Variants in NLGN1 observed in about 807,000 individuals in gnomAD.
NLGN1 encodes neuroligin-1.
A neutral mutation model predicts 65.5 loss-of-function variants in NLGN1; 12 were observed. The ratio of observed to expected loss-of-function variants is 0.18; its 90% CI spans 0.12 to 0.30. NLGN1 has a LOEUF of 0.30. Among genes scored for constraint, NLGN1 ranks in the 10% least tolerant of loss-of-function variants. NLGN1 has a pLI of 1.00. For missense variants in NLGN1, 750 were observed against 1,007.1 expected (o/e 0.74, Z 3.46); for synonymous variants, 350 against 359.5 (o/e 0.97, Z 0.30).
intron 3 of NLGN1, among the ~76,000 whole-genome samples, chr3:173,722,241 C>CT (rs58327862): frequency 0.27 from 26,995 of 99,888 alleles, 3,482 homozygotes; most frequent in African/African-American, 0.3. Flanking sequence ...TCTTCTTCTT[C>CT]TTTTTTTTTT....
intron 4 of NLGN1, among the ~76,000 whole-genome samples, chr3:173,863,997 A>AG (rs1236794304): frequency 2.0e-4 from 30 of 152,204 alleles, no homozygotes; most frequent in African/African-American, 7.2e-4. Flanking sequence ...GATGGTGATG[A>AG]GAGGAAAATT....
At chr3:174,201,163 A>T (rs1734379098) in intron 4 of NLGN1, among the ~76,000 whole-genome samples, 2 of 151,928 alleles carry the variant, frequency 1.3e-5, no homozygotes, top group Non-Finnish European at 2.9e-5. Context: ...GCATGAACCC[A>T]GGAGGGGAGG....
chr3:173,582,763 T>C (rs996287600), intron 2 of NLGN1, among the ~76,000 whole-genome samples: 4 of 152,166 alleles, frequency 2.6e-5, no homozygotes, highest in Non-Finnish European at 5.9e-5. Flanking sequence ...TTTATTTTAA[T>C]ATATCAAATT....
At chr3:173,853,743 G>A (rs1313356796) in intron 4 of NLGN1, among the ~76,000 whole-genome samples, 1 of 151,902 alleles carries the variant, frequency 6.6e-6, no homozygotes, top group Non-Finnish European at 1.5e-5. Context: ...CTATGTATAA[G>A]CTTCACATTT....
chr3:173,767,034 T>G (rs934077342), intron 3 of NLGN1, among the ~76,000 whole-genome samples: 1 of 152,184 alleles, frequency 6.6e-6, no homozygotes, highest in African/African-American at 2.4e-5. Flanking sequence ...ACATAAATAG[T>G]AATTACAATG....
chr3:173,529,808 A>C (rs1218710414), intron 2 of NLGN1, among the ~76,000 whole-genome samples: 1 of 152,086 alleles, frequency 6.6e-6, no homozygotes, highest in East Asian at 1.9e-4. Context: ...GATACCTTTC[A>C]GGATGTGCGT....
intron 4 of NLGN1, among the ~76,000 whole-genome samples, chr3:173,916,500 C>T (rs1458277405): frequency 6.6e-6 from 1 of 152,040 alleles, no homozygotes; most frequent in African/African-American, 2.4e-5. Context: ...AATTTAGATA[C>T]AGGTAAAAGT....
chr3:173,739,467 T>G (rs1339999974), intron 3 of NLGN1, among the ~76,000 whole-genome samples: 1 of 152,050 alleles, frequency 6.6e-6, no homozygotes, highest in South Asian at 2.1e-4. Context: ...AAGGAAACAT[T>G]GCTTATCTTG....
At chr3:173,609,907 A>AG (rs1752020653) in intron 3 of NLGN1, among the ~76,000 whole-genome samples, 2 of 152,006 alleles carry the variant, frequency 1.3e-5, no homozygotes, top group African/African-American at 4.8e-5. Flanking sequence ...AAAGATCTGA[A>AG]GGAGATAAAG....
At chr3:173,893,037 A>T (rs1374392909) in intron 4 of NLGN1, among the ~76,000 whole-genome samples, 2 of 152,216 alleles carry the variant, frequency 1.3e-5, no homozygotes, top group East Asian at 3.9e-4. Flanking sequence ...AGCCAGCATG[A>T]GAATCAGACA....
intron 3 of NLGN1, among the ~76,000 whole-genome samples, chr3:173,691,300 C>T (rs767884979): frequency 3.9e-5 from 6 of 152,024 alleles, no homozygotes; most frequent in Non-Finnish European, 5.9e-5. Flanking sequence ...CAAGCCAATG[C>T]GTTCTCTCTC....
intron 3 of NLGN1, among the ~76,000 whole-genome samples, chr3:173,637,228 T>C (rs1332681454): frequency 6.6e-6 from 1 of 152,140 alleles, no homozygotes; most frequent in African/African-American, 2.4e-5. Context: ...AATGAGTAGG[T>C]AACTGTATCT....
At chr3:173,457,456 A>C (rs1419693511) in intron 2 of NLGN1, among the ~76,000 whole-genome samples, 2 of 152,102 alleles carry the variant, frequency 1.3e-5, no homozygotes, top group Non-Finnish European at 2.9e-5. Flanking sequence ...GGAGAGATGC[A>C]ATTGTAAGGA....
intron 4 of NLGN1, among the ~76,000 whole-genome samples, chr3:173,984,083 C>A (rs1427760133): frequency 1.3e-5 from 2 of 152,026 alleles, no homozygotes; most frequent in Non-Finnish European, 2.9e-5. Flanking sequence ...AATGTGATGC[C>A]CCAGGTGATT....
At chr3:173,525,847 G>A (rs1735556825) in intron 2 of NLGN1, among the ~76,000 whole-genome samples, 1 of 151,850 alleles carries the variant, frequency 6.6e-6, no homozygotes, top group African/African-American at 2.4e-5. Context: ...TCTTACTTGT[G>A]TTGTTTACCC....
At chr3:174,102,691 G>A (rs977896038) in intron 4 of NLGN1, among the ~76,000 whole-genome samples, 3 of 152,270 alleles carry the variant, frequency 2.0e-5, no homozygotes, top group South Asian at 2.1e-4. Context: ...TGGTTGATTG[G>A]ATGGCCTTGA....
chr3:173,679,862 G>T (rs186155858), intron 3 of NLGN1, among the ~76,000 whole-genome samples: 2 of 151,960 alleles, frequency 1.3e-5, no homozygotes, highest in Non-Finnish European at 2.9e-5. Context: ...TGAATGAGAC[G>T]TGGAAACCCC....
chr3:173,706,465 CTAGATTTGCTGGCT>C (rs1768058985), intron 3 of NLGN1, among the ~76,000 whole-genome samples: 1 of 152,144 alleles, frequency 6.6e-6, no homozygotes, highest in South Asian at 2.1e-4. Flanking sequence ...GTTCCTAGAA[CTAGATTTGCTGGCT>C]TAAAGGTGCT....
chr3:173,816,287 C>A (rs6767217), intron 4 of NLGN1, among the ~76,000 whole-genome samples: 122,142 of 152,038 alleles, frequency 0.8, 50,142 homozygotes, highest in Non-Finnish European at 0.85. Flanking sequence ...TGCATTATTA[C>A]ATTCTCACAA....
Sources: allele counts gnomAD v4.1 joint callset (sites outside exome capture counted in the v4.1 genomes callset), GRCh38; gene constraint gnomAD v4.1.1; transcripts MANE v1.5; gene names NCBI Gene and HGNC (gene_info 2026-07-23, HGNC 2026-07-21).